The following PCDH9 variants were observed in gnomAD, a reference collection of about 807,000 sequenced individuals.
PCDH9 encodes protocadherin-9.
In PCDH9, 24 loss-of-function variants were observed where a neutral mutation model predicts 70.6. The ratio of observed to expected loss-of-function variants is 0.34; its 90% CI spans 0.25 to 0.48. The LOEUF (loss-of-function observed/expected upper bound fraction) is 0.48. Among genes scored for constraint, PCDH9 ranks in the 20% least tolerant of loss-of-function variants. PCDH9 has a pLI of 0.99. For synonymous variants in PCDH9, 562 were observed against 558.5 expected, an observed-to-expected ratio of 1.01 and a Z score of -0.09; for missense variants, 1,281 against 1,503.6, an observed-to-expected ratio of 0.85 and a Z score of 2.45.
intron 2 of PCDH9, among the ~76,000 whole-genome samples, chr13:66,971,180 G>A (rs886216252): frequency 9.9e-5 from 15 of 152,098 alleles, no homozygotes; most frequent in Admixed American, 5.9e-4. Flanking sequence ...TGATTCACTC[G>A]TCTTCAGTGC....
intron 4 of PCDH9, among the ~76,000 whole-genome samples, chr13:66,399,428 C>T (rs942100364): frequency 6.6e-6 from 1 of 152,072 alleles, no homozygotes; most frequent in East Asian, 1.9e-4. Context: ...AGTGAAGATT[C>T]CTCTCTGCTC....
At chr13:66,909,686 G>C (rs1035773957) in intron 2 of PCDH9, among the ~76,000 whole-genome samples, 1 of 152,066 alleles carries the variant, frequency 6.6e-6, no homozygotes, top group East Asian at 1.9e-4. Flanking sequence ...GGAGAATGGC[G>C]TGAACCTGGG....
At chr13:66,746,700 T>C (rs1042501961) in intron 3 of PCDH9, among the ~76,000 whole-genome samples, 1 of 152,174 alleles carries the variant, frequency 6.6e-6, no homozygotes. Flanking sequence ...ACACTTTTGA[T>C]AGGAAATTTG....
intron 2 of PCDH9, among the ~76,000 whole-genome samples, chr13:67,160,740 C>T (rs1238797959): frequency 2.6e-5 from 4 of 152,162 alleles, no homozygotes; most frequent in Non-Finnish European, 5.9e-5. Flanking sequence ...TTTCTCATCC[C>T]TCTTAAGAAA....
Position 66,932,659 on chromosome 13 carries a change from C to CAT in PCDH9, c.3037-29056_3037-29055dup, listed in dbSNP as rs199791250. Among the ~76,000 whole-genome samples the CAT allele has an allele frequency of 2.0e-3, 263 of 130,340 alleles. 5 individuals carry two copies. The highest frequency in any genetic ancestry group is 7.3e-3 in the African/African-American group (226 of 31,110). 85.5% of individuals were successfully genotyped at this position (130,340 alleles called of 152,430 possible). A position where few individuals can be genotyped will look rare whatever the true frequency, so the allele number is the denominator to read the frequency against. ...CTAGGCTTAAATGTGTAAATCCTCA[C>CAT]ATATATATATATATATATATATACA... On this transcript the variant is annotated intron_variant, in intron 2 of 4. Transcript: ENST00000377865.
chr13:66,583,246 TACA>T (rs2076918242), intron 4 of PCDH9, among the ~76,000 whole-genome samples: 1 of 152,104 alleles, frequency 6.6e-6, no homozygotes, highest in Non-Finnish European at 1.5e-5. Context: ...GTCATCCGCC[TACA>T]ACATCATGTT....
At chr13:66,835,065 A>G (rs1010915863) in intron 3 of PCDH9, among the ~76,000 whole-genome samples, 4 of 152,234 alleles carry the variant, frequency 2.6e-5, no homozygotes, top group African/African-American at 9.6e-5. Context: ...GGTTCTGTGG[A>G]GAGACAGAAT....
chr13:66,419,605 G>A (rs1462144104), intron 4 of PCDH9, among the ~76,000 whole-genome samples: 1 of 151,974 alleles, frequency 6.6e-6, no homozygotes, highest in Non-Finnish European at 1.5e-5. Flanking sequence ...GTGTGCCGAG[G>A]AACGGTGCAT....
At chr13:66,930,555 G>A (rs2082790031) in intron 2 of PCDH9, among the ~76,000 whole-genome samples, 1 of 152,000 alleles carries the variant, frequency 6.6e-6, no homozygotes, top group Non-Finnish European at 1.5e-5. Context: ...ATTTTTACAA[G>A]ATTACTTCAT....
At chr13:66,314,418 C>T (rs541729907) in intron 4 of PCDH9, among the ~76,000 whole-genome samples, 3 of 152,292 alleles carry the variant, frequency 2.0e-5, no homozygotes, top group East Asian at 1.9e-4. Flanking sequence ...CCTTCCTGTT[C>T]AGTTTCCTTT....
At chr13:66,848,343 T>C (rs1165043941) in intron 3 of PCDH9, among the ~76,000 whole-genome samples, 1 of 152,232 alleles carries the variant, frequency 6.6e-6, no homozygotes, top group East Asian at 1.9e-4. Flanking sequence ...GACAAGATTA[T>C]ATTCAAGTGG....
intron 3 of PCDH9, among the ~76,000 whole-genome samples, chr13:66,850,744 A>G (rs2081302169): frequency 6.6e-6 from 1 of 152,222 alleles, no homozygotes; most frequent in East Asian, 1.9e-4. Flanking sequence ...CAATGACTGC[A>G]AATTCTGACA....
intron 2 of PCDH9, among the ~76,000 whole-genome samples, chr13:67,184,367 A>G (rs1349221439): frequency 6.6e-6 from 1 of 152,084 alleles, no homozygotes; most frequent in Non-Finnish European, 1.5e-5. Flanking sequence ...TTGCCTTTTG[A>G]CTGTGTGATA....
chr13:66,965,086 G>GA (rs558362350), intron 2 of PCDH9, among the ~76,000 whole-genome samples: 7 of 151,440 alleles, frequency 4.6e-5, no homozygotes, highest in African/African-American at 9.7e-5. Context: ...ACATGAAGAA[G>GA]AAAAAAACAC....
At position 67,104,712 on chromosome 13, in the gene PCDH9, C is replaced by A. The variant is rs538884619; in HGVS notation, c.3036+120693G>T. ...TACAAGCGCCCACCACCACGCTAGG[C>A]TAATTTTTTTGTATTTTTAGTAGAG... On this transcript the variant is annotated intron_variant, in intron 2 of 4. Coordinates refer to ENST00000377865, the MANE Select transcript of PCDH9 (RefSeq NM_203487.3). 5.1e-4 allele frequency among the ~76,000 whole-genome samples: 78 copies of A among 152,214 alleles called. 1 individual carries two copies. In the South Asian group the frequency reaches 0.015, roughly 30 times the overall value.
At chr13:66,405,544 T>G (rs1259292534) in intron 4 of PCDH9, among the ~76,000 whole-genome samples, 1 of 152,170 alleles carries the variant, frequency 6.6e-6, no homozygotes, top group Admixed American at 6.5e-5. Flanking sequence ...TTAAATGTTA[T>G]AAGGAGAAGG....
intron 2 of PCDH9, among the ~76,000 whole-genome samples, chr13:67,019,545 T>C (rs894534266): frequency 6.6e-6 from 1 of 152,118 alleles, no homozygotes; most frequent in Non-Finnish European, 1.5e-5. Context: ...ATATCCTACA[T>C]ATTACAATCT....
chr13:66,946,624 A>G (rs1169687620), intron 2 of PCDH9, among the ~76,000 whole-genome samples: 1 of 152,158 alleles, frequency 6.6e-6, no homozygotes, highest in Non-Finnish European at 1.5e-5. Context: ...ATGTAATACT[A>G]AATTATAACA....
chr13:66,582,636 A>C (rs2076908457), intron 4 of PCDH9, among the ~76,000 whole-genome samples: 1 of 152,166 alleles, frequency 6.6e-6, no homozygotes, highest in African/African-American at 2.4e-5. Context: ...TGTCTCAAAC[A>C]AATGAATAAA....
Sources: allele counts gnomAD v4.1 joint callset (sites outside exome capture counted in the v4.1 genomes callset), GRCh38; gene constraint gnomAD v4.1.1; transcripts MANE v1.5; gene names NCBI Gene and HGNC (gene_info 2026-07-23, HGNC 2026-07-21).